The following FBXO46 variants were observed in gnomAD, a reference collection of about 807,000 sequenced individuals.
FBXO46 encodes F-box protein 46.
In FBXO46, 13 loss-of-function variants were observed where a neutral mutation model predicts 30.7. The ratio of observed to expected loss-of-function variants is 0.42; its 90% CI spans 0.28 to 0.67. FBXO46 has a LOEUF of 0.67. Among genes scored for constraint, FBXO46 ranks in the 30% least tolerant of loss-of-function variants. The pLI is 0.21. For missense variants in FBXO46, 754 were observed against 871.5 expected (o/e 0.87, Z 1.70); for synonymous variants, 467 against 385.8 (o/e 1.21, Z -2.47).
At position 45,712,237 on chromosome 19, in the gene FBXO46, G is replaced by T. The variant is rs892221014; in HGVS notation, c.1259C>A (p.Pro420Gln). The change falls in exon 2 of 2, where the codon CCG (proline) becomes CAG (glutamine). Residue 420 changes from proline (P) to glutamine (Q), a missense_variant. Transcript: ENST00000317683. The surrounding 1 kb of genome is among the most constrained non-coding windows in gnomAD (Gnocchi z 8.8). ...CGGGGAGTCGGCCGGGGGTGGCTCCGGGGGCCCGTCCGGCCCGCGGTTCTG... is the reference window on the plus strand; with the variant it reads ...CGGGGAGTCGGCCGGGGGTGGCTCCTGGGGCCCGTCCGGCCCGCGGTTCTG... ...FLQNRGPDGP[P>Q]EPPPADSPAT... The T allele has an allele frequency of 1.0e-5, 16 of 1,604,468 alleles. No individual in the cohort carries two copies. The African/African-American group carries it at 2.1e-4, about 21-fold the overall frequency.
upstream of FBXO46, among the ~76,000 whole-genome samples, chr19:45,731,060 G>T (rs879448781): frequency 6.6e-6 from 1 of 152,206 alleles, no homozygotes; most frequent in Non-Finnish European, 1.5e-5. Context: ...TCGAACTCCC[G>T]GGAGACAAAG....
Position 45,711,664 on chromosome 19 carries a change from T to G in FBXO46, c.*20A>C. ...GGGGAGGGGTGGGCGTGGTGGGCTC[T>G]CCCCTCCCCTCCCCCGGCTTCACCT... On this transcript the variant is annotated 3_prime_UTR_variant, in exon 2 of 2. Coordinates refer to ENST00000317683, the MANE Select transcript of FBXO46 (RefSeq NM_001080469.2). 2.0e-6 allele frequency: 3 copies of G among 1,508,508 alleles called. No homozygotes were observed. In the East Asian group the frequency reaches 7.4e-5, roughly 37 times the overall value. 93.4% of individuals were successfully genotyped at this position (1,508,508 alleles called of 1,614,324 possible).
At chr19:45,729,062 A>G (rs1968275416) in intron 1 of FBXO46, among the ~76,000 whole-genome samples, 1 of 150,816 alleles carries the variant, frequency 6.6e-6, no homozygotes, top group South Asian at 2.1e-4. Context: ...GTGAGCCAAG[A>G]TTGCACTCCG....
In FBXO46 at chr19:45,711,253, C is replaced by A. The variant is rs1399936693; in HGVS notation, c.*431G>T. 1 of 426,244 alleles carries A rather than the reference C, an allele frequency of 2.3e-6. No individual in the cohort carries two copies. The highest frequency in any genetic ancestry group is 1.7e-5 in the South Asian group (1 of 58,622). The allele number at this position is 426,244 out of a possible 1,614,324, so 26.4% of individuals were successfully genotyped here. A position where few individuals can be genotyped will look rare whatever the true frequency, so the allele number is the denominator to read the frequency against. ...GGAGAGGTGCCAACCTTGGGCGATG[C>A]GGCTTCTTGGGAAATAACAGCTCCA... On this transcript the variant is annotated 3_prime_UTR_variant, in exon 2 of 2. Coordinates refer to ENST00000317683, the MANE Select transcript of FBXO46 (RefSeq NM_001080469.2).
At chr19:45,723,675 T>C (rs1259566401) in intron 1 of FBXO46, among the ~76,000 whole-genome samples, 2 of 152,156 alleles carry the variant, frequency 1.3e-5, no homozygotes, top group Non-Finnish European at 2.9e-5. Context: ...TCTTTTTTTT[T>C]CTTAGACGCA....
intron 1 of FBXO46, among the ~76,000 whole-genome samples, chr19:45,720,585 G>C (rs1968155949): frequency 6.6e-6 from 1 of 152,048 alleles, no homozygotes; most frequent in African/African-American, 2.4e-5. Flanking sequence ...AGCCTTTTGA[G>C]GAGCTGAAAC....
intron 1 of FBXO46, among the ~76,000 whole-genome samples, chr19:45,724,116 G>A (rs1239164208): frequency 6.6e-6 from 1 of 152,014 alleles, no homozygotes; most frequent in East Asian, 1.9e-4. Flanking sequence ...TTCAAGAAAA[G>A]GCAAAATAAC....
Position 45,713,479 on chromosome 19 carries a change from A to C in FBXO46, c.17T>G (p.Leu6Arg). ...GGGGCACCATAGCTGGAAGGGCAGGAGGCTCCCACGGTCCATGCTGGGGGA... is the reference window on the plus strand; with the variant it reads ...GGGGCACCATAGCTGGAAGGGCAGGCGGCTCCCACGGTCCATGCTGGGGGA... MDRGS[L>R]LPFQLWCPRP... The change falls in exon 2 of 2, where the codon CTC becomes CGC. Residue 6 changes from leucine (L) to arginine (R), a missense_variant. By Grantham distance (102) the Leu-to-Arg change is moderately radical. This residue lies in a region of FBXO46 where 97 missense variants were observed against 113.0 expected (regional missense o/e 0.86). Transcript: ENST00000317683. This position sits in a 1 kb window ranked among gnomAD's most constrained non-coding sequence, Gnocchi z 4.7. 6.4e-7 allele frequency: 1 copy of C among 1,573,690 alleles called. No individual in the cohort carries two copies. Among genetic ancestry groups the C allele is most frequent in the South Asian group, 1.2e-5 (1 of 86,396 alleles).
chr19:45,731,942 C>T (rs1001010093), upstream of FBXO46, among the ~76,000 whole-genome samples: 2 of 151,608 alleles, frequency 1.3e-5, no homozygotes, highest in African/African-American at 4.8e-5. Flanking sequence ...ACACTGAAAC[C>T]CCATCTCTAC....
In FBXO46 at chr19:45,712,772, G is replaced by A; in HGVS notation, c.724C>T (p.Pro242Ser). 1.9e-6 allele frequency: 3 copies of A among 1,611,254 alleles called. No homozygotes were observed. The highest frequency in any genetic ancestry group is 2.5e-6 in the Non-Finnish European group (3 of 1,178,624). ...AHFEAQRDSP[P>S]TKGLRKEERP... ...TCTTCCTTGCGGAGGCCCTTGGTGGGAGGGCTGTCCCTCTGCGCTTCAAAG... is the reference window on the plus strand; with the variant it reads ...TCTTCCTTGCGGAGGCCCTTGGTGGAAGGGCTGTCCCTCTGCGCTTCAAAG... Residue 242 changes from proline to serine, a missense_variant, in exon 2 of 2, where the codon CCC (proline) becomes TCC (serine). This residue lies in a region of FBXO46 where 454 missense variants were observed against 426.5 expected (regional missense o/e 1.06). Transcript: ENST00000317683. The surrounding 1 kb of genome is among the most constrained non-coding windows in gnomAD (Gnocchi z 8.8).
In FBXO46 at chr19:45,713,360, G is replaced by A; in HGVS notation, c.136C>T (p.Pro46Ser). The A allele has an allele frequency of 6.2e-7, 1 of 1,612,072 alleles. No homozygotes were observed. The highest frequency in any genetic ancestry group is 8.5e-7 in the Non-Finnish European group (1 of 1,179,046). Residue 46 changes from proline (P) to serine (S), a missense_variant, in exon 2 of 2, where the codon CCA (proline) becomes TCA (serine). Coordinates refer to ENST00000317683, the MANE Select transcript of FBXO46 (RefSeq NM_001080469.2). This position sits in a 1 kb window ranked among gnomAD's most constrained non-coding sequence, Gnocchi z 4.7. ...ACPEPGGGAE[P>S]DHGPAHSENT... ...TCTGAGTGGGCAGGCCCATGGTCTG[G>A]CTCGGCCCCGCCACCAGGCTCAGGG...
At chr19:45,722,564 C>G (rs574684254) in intron 1 of FBXO46, among the ~76,000 whole-genome samples, 2 of 151,996 alleles carry the variant, frequency 1.3e-5, no homozygotes, top group Non-Finnish European at 2.9e-5. Context: ...AGATCGAGAC[C>G]ATCCTGGCTA....
chr19:45,712,938 G>T lies in FBXO46; in HGVS notation c.558C>A (p.Ala186=). Residue 186 remains alanine, a synonymous_variant, in exon 2 of 2, where the codon GCC becomes GCA. Transcript: ENST00000317683. This position sits in a 1 kb window ranked among gnomAD's most constrained non-coding sequence, Gnocchi z 8.8. ...VALVEQRAAL[A]LQSYPRPTTP... ...TGGTCGGTCGTGGGTAGCTCTGCAG[G>T]GCCAGGGCTGCCCGCTGTTCCACCA... 1 of 1,599,038 alleles carries T rather than the reference G, an allele frequency of 6.3e-7. No homozygotes were observed. Among genetic ancestry groups the T allele is most frequent in the Non-Finnish European group, 8.5e-7 (1 of 1,173,248 alleles).
At chr19:45,717,295 T>G (rs372589165) in intron 1 of FBXO46, 2 of 151,728 alleles carry the variant, frequency 1.3e-5, no homozygotes, top group Non-Finnish European at 2.9e-5. Context: ...GGGAGAAGGC[T>G]GCAGCCCACA....
rs774706193 is a variant in FBXO46 at position 45,713,024 on chromosome 19, C to T, written c.472G>A (p.Glu158Lys). The stretch of plus-strand genomic sequence containing the variant: ...TCCTCACCGGCTGAGGCGGGGCCCT[C>T]CTCAGCAGCAGGGGGGCCCTCCCGG... ...GGREGPPAAE[E>K]GPASAGEDVD... Residue 158 changes from glutamate (E) to lysine (K), a missense_variant, in exon 2 of 2, where the codon GAG becomes AAG. By Grantham distance (56) the Glu-to-Lys change is moderately conservative (BLOSUM62 1). Coordinates refer to ENST00000317683, the MANE Select transcript of FBXO46 (RefSeq NM_001080469.2). This position sits in a 1 kb window ranked among gnomAD's most constrained non-coding sequence, Gnocchi z 4.7. 4 of 1,557,894 alleles carry T rather than the reference C, an allele frequency of 2.6e-6. No individual in the cohort carries two copies. In the East Asian group the frequency reaches 6.9e-5, roughly 27 times the overall value.
rs1477438320 is a variant in FBXO46, at chr19:45,711,245, G to A, written c.*439C>T. On this transcript the variant is annotated 3_prime_UTR_variant, in exon 2 of 2. Transcript: ENST00000317683. ...GCAGGTTAGGAGAGGTGCCAACCTTGGGCGATGCGGCTTCTTGGGAAATAA... is the reference window on the plus strand; with the variant it reads ...GCAGGTTAGGAGAGGTGCCAACCTTAGGCGATGCGGCTTCTTGGGAAATAA... 1 of 426,884 alleles carries A rather than the reference G, an allele frequency of 2.3e-6. No individual in the cohort carries two copies. The highest frequency in any genetic ancestry group is 2.1e-5 in the African/African-American group (1 of 47,738). 26.4% of individuals were successfully genotyped at this position (426,884 alleles called of 1,614,324 possible).
At position 45,725,970 on chromosome 19, in the gene FBXO46, C is replaced by T. The variant is rs151112965; in HGVS notation, c.-79+4879G>A. Among the ~76,000 whole-genome samples, 430 of 152,186 alleles carry T rather than the reference C, an allele frequency of 2.8e-3. 2 individuals carry two copies. The highest frequency in any genetic ancestry group is 9.8e-3 in the African/African-American group (408 of 41,524). On this transcript the variant is annotated intron_variant, in intron 1 of 1. Transcript: ENST00000317683. ...CACTGCACCTTCCACCTCCTGGGCC[C>T]AAGTGATCCTCCCGCCTCAACCTCC... is the stretch of plus-strand genomic sequence containing the variant.
intron 1 of FBXO46, among the ~76,000 whole-genome samples, chr19:45,719,235 C>A (rs1054926960): frequency 6.6e-6 from 1 of 151,706 alleles, no homozygotes; most frequent in African/African-American, 2.4e-5. Flanking sequence ...GGTGACAGCA[C>A]GAGACTGTCT....
intron 1 of FBXO46, among the ~76,000 whole-genome samples, chr19:45,718,952 A>AG (rs1968135665): frequency 6.6e-6 from 1 of 151,966 alleles, no homozygotes. Context: ...TAAAAAAAAA[A>AG]AAAAAAAAAC....
Sources: allele counts gnomAD v4.1 joint callset (sites outside exome capture counted in the v4.1 genomes callset), GRCh38; gene constraint gnomAD v4.1.1; regional missense constraint gnomAD v4.1.1; non-coding constraint Gnocchi (gnomAD v3.1); transcripts MANE v1.5; gene names NCBI Gene and HGNC (gene_info 2026-07-23, HGNC 2026-07-21).